ARID5B: variants seen among roughly 807,000 people sequenced by gnomAD.
The protein encoded by ARID5B is AT-rich interaction domain 5B.
Under a neutral mutation model 97.2 loss-of-function variants are expected in ARID5B, and 13 were observed. The observed-to-expected ratio is 0.13, with a 90% CI of 0.09 to 0.21. The LOEUF (loss-of-function observed/expected upper bound fraction) is 0.21. Among genes scored for constraint, ARID5B ranks in the 10% least tolerant of loss-of-function variants. The pLI, the probability that ARID5B is intolerant of heterozygous loss-of-function variation, is 1.00. For missense variants in ARID5B, 1,210 were observed against 1,465.3 expected, an observed-to-expected ratio of 0.83 and a Z score of 2.84; for synonymous variants, 556 against 570.3, an observed-to-expected ratio of 0.97 and a Z score of 0.36.
At chr10:61,962,017 G>A (rs961284959) in intron 3 of ARID5B, among the ~76,000 whole-genome samples, 3 of 152,212 alleles carry the variant, frequency 2.0e-5, no homozygotes, top group Non-Finnish European at 4.4e-5. Flanking sequence ...CCAAAGTGCT[G>A]GGATTACAGG....
chr10:61,918,123 A>G (rs1274217576), intron 2 of ARID5B, among the ~76,000 whole-genome samples: 1 of 152,234 alleles, frequency 6.6e-6, no homozygotes, highest in Non-Finnish European at 1.5e-5. Flanking sequence ...CTGAGGCCAG[A>G]CTGCAGGGGA....
intron 2 of ARID5B, among the ~76,000 whole-genome samples, chr10:61,923,823 A>G (rs1454595328): frequency 6.6e-6 from 1 of 152,238 alleles, no homozygotes; most frequent in Non-Finnish European, 1.5e-5. Flanking sequence ...TGTCTTATCC[A>G]TCCTTATCTC....
chr10:61,918,639 T>C (rs1430518213), intron 2 of ARID5B, among the ~76,000 whole-genome samples: 2 of 152,222 alleles, frequency 1.3e-5, no homozygotes, highest in Non-Finnish European at 2.9e-5. Flanking sequence ...AGACTTCTCT[T>C]GTGTTTAGGT....
intron 2 of ARID5B, among the ~76,000 whole-genome samples, chr10:61,929,638 C>T (rs947280501): frequency 1.2e-4 from 19 of 152,154 alleles, no homozygotes; most frequent in African/African-American, 4.3e-4. Context: ...GTGAGGTTGT[C>T]TAGGGACTGG....
intron 3 of ARID5B, among the ~76,000 whole-genome samples, chr10:61,941,441 G>A (rs1844408679): frequency 6.6e-6 from 1 of 151,308 alleles, no homozygotes; most frequent in Admixed American, 6.6e-5. Context: ...ACATATTAAG[G>A]CATCTTTTTC....
intron 8 of ARID5B, among the ~76,000 whole-genome samples, chr10:62,082,645 T>C (rs1184444311): frequency 6.6e-6 from 1 of 152,240 alleles, no homozygotes; most frequent in Non-Finnish European, 1.5e-5. Context: ...CATAGGGCAA[T>C]GTTGACCTAA....
chr10:61,959,114 C>CT (rs946473169), intron 3 of ARID5B, among the ~76,000 whole-genome samples: 1 of 152,214 alleles, frequency 6.6e-6, no homozygotes, highest in African/African-American at 2.4e-5. Flanking sequence ...AACCTACAAG[C>CT]TAGGGGAAAA....
intron 7 of ARID5B, among the ~76,000 whole-genome samples, chr10:62,061,102 T>C (rs1839915789): frequency 1.3e-5 from 2 of 152,216 alleles, no homozygotes; most frequent in Admixed American, 6.5e-5. Context: ...TGAGGCATTG[T>C]TTTAGACACT....
chr10:61,977,698 TGG>T (rs1317281721), intron 3 of ARID5B, among the ~76,000 whole-genome samples: 1 of 152,242 alleles, frequency 6.6e-6, no homozygotes, highest in Non-Finnish European at 1.5e-5. Flanking sequence ...CACTTTTTGA[TGG>T]GGTTGTTTGT....
chr10:61,966,377 C>T (rs1297483893), intron 3 of ARID5B, among the ~76,000 whole-genome samples: 3 of 152,106 alleles, frequency 2.0e-5, no homozygotes, highest in African/African-American at 7.2e-5. Context: ...CCTGTGTTTC[C>T]AGCTCACAGT....
intron 7 of ARID5B, among the ~76,000 whole-genome samples, chr10:62,062,838 TTTACAAGCGAGAAAACTGA>T (rs1364321078): frequency 6.6e-6 from 1 of 151,476 alleles, no homozygotes; most frequent in Non-Finnish European, 1.5e-5. Context: ...ATAGCCTCAT[TTTACAAGCGAGAAAACTGA>T]GGCACTGGGA....
intron 2 of ARID5B, among the ~76,000 whole-genome samples, chr10:61,934,544 A>T (rs1189216071): frequency 6.6e-6 from 1 of 152,104 alleles, no homozygotes; most frequent in Non-Finnish European, 1.5e-5. Context: ...TAGGGTTATT[A>T]ATTAGCCCAT....
At chr10:62,028,835 C>T (rs1427646250) in intron 4 of ARID5B, among the ~76,000 whole-genome samples, 1 of 152,022 alleles carries the variant, frequency 6.6e-6, no homozygotes, top group Non-Finnish European at 1.5e-5. Context: ...GTGGCGCATG[C>T]CTGTAATCCC....
chr10:62,048,314 A>G (rs1014527747), intron 4 of ARID5B, among the ~76,000 whole-genome samples: 1 of 152,210 alleles, frequency 6.6e-6, no homozygotes, highest in Non-Finnish European at 1.5e-5. Flanking sequence ...TCTTGCCCTT[A>G]AGGATTCTCC....
chr10:61,996,764 C>T (rs903836880), intron 3 of ARID5B, among the ~76,000 whole-genome samples: 4 of 151,824 alleles, frequency 2.6e-5, no homozygotes, highest in African/African-American at 9.7e-5. Flanking sequence ...TTAAAATTTG[C>T]TGTCTTCTGT....
chr10:61,912,666 T>TTTTA (rs71468961), intron 2 of ARID5B, among the ~76,000 whole-genome samples: 3 of 147,316 alleles, frequency 2.0e-5, no homozygotes, highest in African/African-American at 4.9e-5. Context: ...ATATGCATGT[T>TTTTA]TATATATATA....
intron 2 of ARID5B, among the ~76,000 whole-genome samples, chr10:61,932,262 T>G (rs1486226728): frequency 6.6e-6 from 1 of 152,228 alleles, no homozygotes; most frequent in Non-Finnish European, 1.5e-5. Flanking sequence ...CAATAAATGC[T>G]GAAGATCATC....
At chr10:62,036,836 T>C (rs960197670) in intron 4 of ARID5B, among the ~76,000 whole-genome samples, 2 of 152,180 alleles carry the variant, frequency 1.3e-5, no homozygotes, top group African/African-American at 4.8e-5. Context: ...AGTGGCAGGC[T>C]CTCTGGTCCT....
chr10:61,941,988 C>T (rs1844418881), intron 3 of ARID5B, among the ~76,000 whole-genome samples: 1 of 152,086 alleles, frequency 6.6e-6, no homozygotes, highest in Non-Finnish European at 1.5e-5. Flanking sequence ...TTTTCCTTAA[C>T]ATTAAAACCT....
Sources: gnomAD v4.1 joint callset for allele counts (sites outside exome capture counted in the v4.1 genomes callset) on GRCh38, gnomAD v4.1.1 for gene constraint, MANE v1.5 for transcripts, NCBI Gene and HGNC (gene_info 2026-07-23, HGNC 2026-07-21) for gene names.